The following NEGR1 variants were observed in gnomAD, a reference collection of about 807,000 sequenced individuals.
NEGR1 encodes neuronal growth regulator 1, also known as IgLON family member 4.
Under a neutral mutation model 40.9 loss-of-function variants are expected in NEGR1, and 10 were observed. The ratio of observed to expected loss-of-function variants is 0.24; its 90% confidence interval spans 0.15 to 0.42. The LOEUF is 0.42. Ranked by LOEUF, NEGR1 falls within the 10% of genes least tolerant of loss-of-function variation. NEGR1 has a pLI of 1.00. For missense variants in NEGR1, 352 were observed against 438.9 expected (o/e 0.80, Z 1.77); for synonymous variants, 185 against 166.8 (o/e 1.11, Z -0.84).
chr1:71,513,565 T>A (rs976670152), intron 6 of NEGR1, among the ~76,000 whole-genome samples: 1 of 152,322 alleles, frequency 6.6e-6, no homozygotes, highest in East Asian at 1.9e-4. Flanking sequence ...TGTCTATGTT[T>A]ATGAAGTACA....
intron 2 of NEGR1, among the ~76,000 whole-genome samples, chr1:71,924,397 T>C (rs191126704): frequency 6.6e-6 from 1 of 152,298 alleles, no homozygotes; most frequent in Non-Finnish European, 1.5e-5. Flanking sequence ...CCTGCTCTTT[T>C]AAAATGGGCT....
intron 6 of NEGR1, among the ~76,000 whole-genome samples, chr1:71,412,627 T>C (rs1158277631): frequency 1.3e-5 from 2 of 152,204 alleles, no homozygotes; most frequent in Non-Finnish European, 2.9e-5. Flanking sequence ...TATCCTATTT[T>C]AATAGTTGTT....
intron 1 of NEGR1, among the ~76,000 whole-genome samples, chr1:72,217,756 AC>A (rs1465942284): frequency 6.6e-6 from 1 of 151,824 alleles, no homozygotes; most frequent in Non-Finnish European, 1.5e-5. Context: ...GAAGTAAATG[AC>A]TTGTGGATAA....
chr1:72,220,152 A>G (rs1653963642), intron 1 of NEGR1, among the ~76,000 whole-genome samples: 1 of 152,038 alleles, frequency 6.6e-6, no homozygotes, highest in South Asian at 2.1e-4. Flanking sequence ...TATAGTTACA[A>G]TTACCAATTA....
chr1:71,792,858 T>C (rs1051371069), intron 2 of NEGR1, among the ~76,000 whole-genome samples: 2 of 152,072 alleles, frequency 1.3e-5, no homozygotes, highest in Admixed American at 1.3e-4. Flanking sequence ...AACTTTTCTT[T>C]TGTAGTAGAG....
intron 6 of NEGR1, among the ~76,000 whole-genome samples, chr1:71,429,223 T>C (rs570181371): frequency 6.6e-6 from 1 of 152,332 alleles, no homozygotes; most frequent in East Asian, 1.9e-4. Flanking sequence ...GAAAAAGTTA[T>C]TTCTAAAGAA....
chr1:72,037,864 T>G (rs1421949318), intron 1 of NEGR1, among the ~76,000 whole-genome samples: 2 of 152,132 alleles, frequency 1.3e-5, no homozygotes, highest in East Asian at 3.9e-4. Context: ...TATTTTTATT[T>G]GCACCATGAA....
chr1:72,145,640 C>T (rs571906793), intron 1 of NEGR1, among the ~76,000 whole-genome samples: 64 of 152,098 alleles, frequency 4.2e-4, no homozygotes, highest in African/African-American at 1.5e-3. Context: ...CATAGGTAAG[C>T]GGCATTTAGT....
At chr1:71,849,013 C>G (rs1659514326) in intron 2 of NEGR1, among the ~76,000 whole-genome samples, 1 of 151,922 alleles carries the variant, frequency 6.6e-6, no homozygotes, top group South Asian at 2.1e-4. Context: ...TTGCTTGAAT[C>G]CAGAGGTGGA....
At chr1:71,698,168 T>C in intron 3 of NEGR1, 29 bp from the exon 4 acceptor site, 1 of 1,600,452 alleles carries the variant, frequency 6.2e-7, no homozygotes, top group Non-Finnish European at 8.5e-7. Flanking sequence ...CATGTTTAAT[T>C]GTAGCCGCCT....
intron 3 of NEGR1, among the ~76,000 whole-genome samples, chr1:71,707,223 T>C (rs1653931437): frequency 6.6e-6 from 1 of 152,146 alleles, no homozygotes; most frequent in Non-Finnish European, 1.5e-5. Flanking sequence ...AGGAGCTGAC[T>C]CTTGGGTGGC....
intron 3 of NEGR1, among the ~76,000 whole-genome samples, chr1:71,704,946 A>G (rs1653835305): frequency 6.6e-6 from 1 of 152,016 alleles, no homozygotes; most frequent in Admixed American, 6.5e-5. Flanking sequence ...GGTTGAAAAG[A>G]TGATTGTGTT....
chr1:71,936,532 T>C (rs1378851727), intron 1 of NEGR1, among the ~76,000 whole-genome samples: 2 of 152,084 alleles, frequency 1.3e-5, no homozygotes, highest in African/African-American at 2.4e-5. Flanking sequence ...AGGCAATGTC[T>C]GAGATAAAGA....
At chr1:72,009,379 A>G (rs374852261) in intron 1 of NEGR1, among the ~76,000 whole-genome samples, 31 of 152,174 alleles carry the variant, frequency 2.0e-4, no homozygotes, top group African/African-American at 7.0e-4. Context: ...AACATATGGA[A>G]ACTTACGCAA....
intron 1 of NEGR1, among the ~76,000 whole-genome samples, chr1:72,130,436 C>T (rs565374730): frequency 1.4e-4 from 21 of 152,290 alleles, no homozygotes; most frequent in East Asian, 9.6e-4. Flanking sequence ...TGGAGTACAA[C>T]GTCACTTTTC....
chr1:72,005,499 T>C (rs1317561718), intron 1 of NEGR1, among the ~76,000 whole-genome samples: 4 of 152,202 alleles, frequency 2.6e-5, no homozygotes, highest in African/African-American at 9.6e-5. Context: ...AAGCTTTTAA[T>C]AATTATTTTG....
rs145599413 is a variant in NEGR1 at position 71,435,331 on chromosome 1, A to G, written c.941-27761T>C. On this transcript the variant is annotated intron_variant, in intron 6 of 6. Transcript: ENST00000357731. ...AAAGGAAGGTGAAGGATCTAAACCT[A>G]GAGGACTTAATGCCAGCAAAGGGTG... 7.3e-3 allele frequency among the ~76,000 whole-genome samples: 1,106 copies of G among 152,256 alleles called. 25 individuals carry two copies. The Middle Eastern group carries it at 0.11, about 15-fold the overall frequency.
chr1:72,040,514 T>C (rs1361809456), intron 1 of NEGR1, among the ~76,000 whole-genome samples: 2 of 141,570 alleles, frequency 1.4e-5, no homozygotes, highest in Non-Finnish European at 3.0e-5. Flanking sequence ...TGCTGATTAT[T>C]ACGAAGTTGT....
intron 1 of NEGR1, among the ~76,000 whole-genome samples, chr1:72,230,704 G>T (rs1654334116): frequency 6.6e-6 from 1 of 152,070 alleles, no homozygotes; most frequent in Non-Finnish European, 1.5e-5. Flanking sequence ...ATTTGTCAAA[G>T]TTAATTTGAA....
Sources: gnomAD v4.1 joint callset for allele counts (sites outside exome capture counted in the v4.1 genomes callset) on GRCh38, gnomAD v4.1.1 for gene constraint, MANE v1.5 for transcripts, NCBI Gene and HGNC (gene_info 2026-07-23, HGNC 2026-07-21) for gene names.